The following STAT6 variants were observed in gnomAD, a reference collection of about 807,000 sequenced individuals.
STAT6 encodes the protein signal transducer and activator of transcription 6, also known as STAT, interleukin4-induced.
In STAT6, 45 loss-of-function variants were observed where a neutral mutation model predicts 106.3. The observed-to-expected ratio is 0.42, with a 90% CI of 0.33 to 0.54. STAT6 has a LOEUF of 0.54. Among genes scored for constraint, STAT6 ranks in the 20% least tolerant of loss-of-function variants. STAT6 has a pLI of 0.06. For synonymous variants in STAT6, 413 were observed against 413.6 expected (o/e 1.00, Z 0.02); for missense variants, 797 against 1,062.2 (o/e 0.75, Z 3.47).
In STAT6 at chr12:57,099,778, C is replaced by T. The variant is rs778242059; in HGVS notation, c.1733G>A (p.Arg578Gln). ...IGGITIAHVI[R>Q]GQDGSPQIEN... ...TGGGGTGGCCTCACCATCCTGGCCCCGGATGACATGGGCAATGGTGATGCC... is the reference window on the plus strand; with the variant it reads ...TGGGGTGGCCTCACCATCCTGGCCCTGGATGACATGGGCAATGGTGATGCC... Residue 578 changes from arginine (R) to glutamine (Q), a missense_variant, in exon 15 of 22, where the codon CGG becomes CAG. Around this residue, in one of 4 missense-constraint regions of STAT6, gnomAD observed 222 missense variants for 354.6 expected, o/e 0.63. Transcript: ENST00000300134. The surrounding 1 kb of genome is among the most constrained non-coding windows in gnomAD (Gnocchi z 4.7). 8.7e-6 allele frequency: 14 copies of T among 1,613,604 alleles called. No homozygotes were observed. Among genetic ancestry groups the T allele is most frequent in the South Asian group, 2.2e-5 (2 of 91,014 alleles).
chr12:57,108,844 C>T (rs989607089), intron 1 of STAT6, among the ~76,000 whole-genome samples: 4 of 152,188 alleles, frequency 2.6e-5, no homozygotes, highest in African/African-American at 7.2e-5. Context: ...CACCTCCTGA[C>T]GCCAAAGGCA....
intron 13 of STAT6, chr12:57,100,826 C>T: frequency 2.2e-6 from 1 of 454,956 alleles, no homozygotes; most frequent in Non-Finnish European, 4.4e-6. Context: ...ATGTGGTTCT[C>T]TCCTAGCCAT....
At chr12:57,098,468 A>G (rs367613358) in intron 19 of STAT6, 37 bp downstream of exon 19, 32 of 1,590,826 alleles carry the variant, frequency 2.0e-5, no homozygotes, top group Non-Finnish European at 2.7e-5. Flanking sequence ...CCACCCCCTT[A>G]GAGTGGGATG....
Position 57,096,496 on chromosome 12 carries a change from G to T in STAT6, c.*76C>A. ...CCCTCCCCATCTGCTGCTTGGCAGG[G>T]CATGAGCAAGTGTCCAGAGCAGGTC... On this transcript the variant is annotated 3_prime_UTR_variant, in exon 22 of 22. Coordinates refer to ENST00000300134, the MANE Select transcript of STAT6 (RefSeq NM_003153.5). The T allele has an allele frequency of 2.1e-6, 3 of 1,399,648 alleles. No individual in the cohort carries two copies. The highest frequency in any genetic ancestry group is 2.8e-5 in the South Asian group (2 of 70,236). The allele number at this position is 1,399,648 out of a possible 1,614,324, so 86.7% of individuals were successfully genotyped here. A position where few individuals can be genotyped will look rare whatever the true frequency, so the allele number is the denominator to read the frequency against.
chr12:57,104,083 G>A, intron 11 of STAT6: 1 of 219,366 alleles, frequency 4.6e-6, no homozygotes, highest in South Asian at 7.1e-5. Flanking sequence ...ACACTTAGCT[G>A]TGTGACTGGG....
At chr12:57,107,952 C>A (rs11172103) in intron 2 of STAT6, among the ~76,000 whole-genome samples, 68 of 152,346 alleles carry the variant, frequency 4.5e-4, no homozygotes, top group Middle Eastern at 3.4e-3. Context: ...CCCTCCTCTT[C>A]GGCTCAGCCT....
chr12:57,105,858 C>T, intron 7 of STAT6: 1 of 660,956 alleles, frequency 1.5e-6, no homozygotes, highest in Non-Finnish European at 2.5e-6. Flanking sequence ...GCACCCAGGA[C>T]AACTGCCACC....
chr12:57,102,447 C>T lies in STAT6; in HGVS notation c.1355G>A (p.Cys452Tyr). 6.2e-7 allele frequency: 1 copy of T among 1,614,004 alleles called. No individual in the cohort carries two copies. Among genetic ancestry groups the T allele is most frequent in the Non-Finnish European group, 8.5e-7 (1 of 1,180,012 alleles). Residue 452 changes from cysteine to tyrosine, a missense_variant, in exon 13 of 22, where the codon TGT becomes TAT. Cys to Tyr is a radical substitution (Grantham distance 194). Coordinates refer to ENST00000300134, the MANE Select transcript of STAT6 (RefSeq NM_003153.5). ...CATGAACTTCAGGTTCAGAGTTTCA[C>T]ACATCTTCTCCCAGGGCACCCGCTC... ...VAERVPWEKM[C>Y]ETLNLKFMAE... is the part of the protein sequence containing the mutation.
intron 17 of STAT6, 32 bp downstream of exon 17, chr12:57,098,983 G>C: frequency 6.2e-7 from 1 of 1,613,898 alleles, no homozygotes; most frequent in South Asian, 1.1e-5. Flanking sequence ...CTAAGCCCCT[G>C]ACCTACCCAC....
At chr12:57,108,466 G>C (rs2034406274) in intron 1 of STAT6, among the ~76,000 whole-genome samples, 167 bp from the exon 2 acceptor site, 1 of 152,248 alleles carries the variant, frequency 6.6e-6, no homozygotes, top group African/African-American at 2.4e-5. Flanking sequence ...GCCTGAGATG[G>C]GGGTAACTCC....
intron 13 of STAT6, among the ~76,000 whole-genome samples, chr12:57,100,644 GA>G (rs142263936): frequency 2.5e-5 from 2 of 80,990 alleles, no homozygotes; most frequent in African/African-American, 5.2e-5. Flanking sequence ...GAAAGAGAAA[GA>G]AAGAAAGAAA....
chr12:57,109,756 G>A (rs1283587920), intron 1 of STAT6, among the ~76,000 whole-genome samples: 1 of 152,048 alleles, frequency 6.6e-6, no homozygotes. Flanking sequence ...GTAGAAGAGG[G>A]GGTTGCATCC....
chr12:57,099,267 G>T lies in STAT6; in HGVS notation c.1891+27C>A. The T allele has an allele frequency of 6.2e-7, 1 of 1,613,670 alleles. No individual in the cohort carries two copies. Among genetic ancestry groups the T allele is most frequent in the South Asian group, 1.1e-5 (1 of 91,054 alleles). Reference sequence around the variant, plus strand: ...CAGGGAGGAAGTGGGTGACAGGAAGGAATCAGAGCTGCCAGTTCCAGCTCA... The same window carrying T: ...CAGGGAGGAAGTGGGTGACAGGAAGTAATCAGAGCTGCCAGTTCCAGCTCA... On this transcript the variant is annotated intron_variant, in intron 16 of 21. Transcript: ENST00000300134. The surrounding 1 kb of genome is among the most constrained non-coding windows in gnomAD (Gnocchi z 4.7).
At position 57,096,925 on chromosome 12, in the gene STAT6, A is replaced by C. The variant is rs748381508; in HGVS notation, c.2279T>G (p.Leu760Arg). 1 of 1,614,174 alleles carries C rather than the reference A, an allele frequency of 6.2e-7. No individual in the cohort carries two copies. Among genetic ancestry groups the C allele is most frequent in the Admixed American group, 1.7e-5 (1 of 60,024 alleles). The change falls in exon 21 of 22, where the codon CTG becomes CGG. Residue 760 changes from leucine (L) to arginine (R), a missense_variant. Physicochemically the swap from Leu to Arg is moderately radical, Grantham distance 102. This residue lies in a region of STAT6 where 226 missense variants were observed against 236.7 expected (regional missense o/e 0.95). Coordinates refer to ENST00000300134, the MANE Select transcript of STAT6 (RefSeq NM_003153.5). Reference protein sequence around the residue: ...QEHAVSSPDPLLCSDVTMVED... With the variant: ...QEHAVSSPDPRLCSDVTMVED... Reference sequence around the variant, plus strand: ...CACCATGGTCACATCTGAGCAGAGCAGGGGGTCAGGGCTGGACACAGCATG... The same window carrying C: ...CACCATGGTCACATCTGAGCAGAGCCGGGGGTCAGGGCTGGACACAGCATG...
chr12:57,098,463 C>A (rs1483095754), intron 19 of STAT6, 42 bp downstream of exon 19: 1 of 1,587,630 alleles, frequency 6.3e-7, no homozygotes, highest in East Asian at 2.2e-5. Flanking sequence ...AATGCCCACC[C>A]CCTTAGAGTG....
chr12:57,108,133 G>T, intron 2 of STAT6, 30 bp downstream of exon 2: 2 of 1,397,238 alleles, frequency 1.4e-6, no homozygotes, highest in African/African-American at 1.4e-5. Flanking sequence ...GGAAGACTTG[G>T]GGGACCAGCA....
At chr12:57,101,510 G>A (rs1282813324) in intron 13 of STAT6, among the ~76,000 whole-genome samples, 9 of 150,354 alleles carry the variant, frequency 6.0e-5, no homozygotes, top group South Asian at 4.2e-4. Flanking sequence ...GATTACAGAC[G>A]CAAACGACCA....
In STAT6 at chr12:57,099,730, A is replaced by C; in HGVS notation, c.1744+37T>G. ...TCCCAGAAGAAACCCCAGAGGGCACAGGCACAGAGACAGAGGACTGGCTGG... is the reference window on the plus strand; with the variant it reads ...TCCCAGAAGAAACCCCAGAGGGCACCGGCACAGAGACAGAGGACTGGCTGG... On this transcript the variant is annotated intron_variant, in intron 15 of 21. Transcript: ENST00000300134. The surrounding 1 kb of genome is among the most constrained non-coding windows in gnomAD (Gnocchi z 4.7). 1 of 1,612,842 alleles carries C rather than the reference A, an allele frequency of 6.2e-7. No individual in the cohort carries two copies. The highest frequency in any genetic ancestry group is 8.5e-7 in the Non-Finnish European group (1 of 1,179,288).
chr12:57,104,263 T>C, intron 11 of STAT6: 1 of 685,474 alleles, frequency 1.5e-6, no homozygotes. Flanking sequence ...TTCCGAAGTG[T>C]TTGCTGCTAT....
Sources: gnomAD v4.1 joint callset for allele counts (sites outside exome capture counted in the v4.1 genomes callset) on GRCh38, gnomAD v4.1.1 for gene constraint, gnomAD v4.1.1 regional missense constraint, Gnocchi (gnomAD v3.1) non-coding constraint, MANE v1.5 for transcripts, NCBI Gene and HGNC (gene_info 2026-07-23, HGNC 2026-07-21) for gene names.